Variants in CACNA1E observed in about 807,000 individuals in gnomAD.
CACNA1E encodes the protein calcium voltage-gated channel subunit alpha1 E.
Under a neutral mutation model 259.2 loss-of-function variants are expected in CACNA1E, and 40 were observed. The observed-to-expected ratio is 0.15, with a 90% CI of 0.12 to 0.20. The LOEUF (loss-of-function observed/expected upper bound fraction) is 0.20, where lower values mean the gene tolerates loss of function less well. Among genes scored for constraint, CACNA1E ranks in the 10% least tolerant of loss-of-function variants. The probability of loss-of-function intolerance (pLI) is 1.00; values close to 1 mark genes in which losing one functional copy is unlikely to be tolerated. For synonymous variants in CACNA1E, 1,104 were observed against 1,138.5 expected, an observed-to-expected ratio of 0.97 and a Z score of 0.61; for missense variants, 1,874 against 3,040.1, an observed-to-expected ratio of 0.62 and a Z score of 9.02.
At chr1:181,427,961 A>G (rs1300642753) in intron 2 of CACNA1E, among the ~76,000 whole-genome samples, 1 of 152,174 alleles carries the variant, frequency 6.6e-6, no homozygotes, top group Non-Finnish European at 1.5e-5. Context: ...GCTGCAGAGT[A>G]TTCCTCAGCA....
intron 5 of CACNA1E, 38 bp downstream of exon 5, chr1:181,579,262 TC>T (rs751937009): frequency 6.4e-7 from 1 of 1,562,836 alleles, no homozygotes; most frequent in South Asian, 1.2e-5. Flanking sequence ...TTTTCCCTTC[TC>T]CCCTCTGTTA....
chr1:181,411,212 G>A (rs12410672), intron 1 of CACNA1E, among the ~76,000 whole-genome samples: 16,184 of 152,232 alleles, frequency 0.11, 945 homozygotes, highest in South Asian at 0.18. Context: ...TAGACCTGCT[G>A]TGGGGACTAG....
chr1:181,694,189 A>G (rs1224912958), intron 7 of CACNA1E, among the ~76,000 whole-genome samples: 1 of 152,202 alleles, frequency 6.6e-6, no homozygotes, highest in Non-Finnish European at 1.5e-5. Context: ...CGTGAATGCA[A>G]TGTTGATTTA....
intron 7 of CACNA1E, among the ~76,000 whole-genome samples, chr1:181,696,652 T>A (rs758619465): frequency 2.6e-5 from 4 of 152,186 alleles, no homozygotes; most frequent in Non-Finnish European, 5.9e-5. Context: ...CAGGTGTATG[T>A]ATGCACATGT....
chr1:181,684,901 G>A (rs1553320704), intron 7 of CACNA1E, among the ~76,000 whole-genome samples: 1 of 128,108 alleles, frequency 7.8e-6, no homozygotes, highest in South Asian at 2.4e-4. Flanking sequence ...TGCCTTGTTA[G>A]TGACATGCTA....
intron 7 of CACNA1E, among the ~76,000 whole-genome samples, chr1:181,653,864 G>A (rs1441373836): frequency 6.6e-6 from 1 of 152,152 alleles, no homozygotes; most frequent in Non-Finnish European, 1.5e-5. Flanking sequence ...ATCTTTTGGG[G>A]GGCTCCCAGT....
intron 3 of CACNA1E, among the ~76,000 whole-genome samples, chr1:181,573,792 A>C (rs1358016389): frequency 6.6e-6 from 1 of 152,244 alleles, no homozygotes. Context: ...ACCCAAAGGA[A>C]TATAAATCAT....
intron 2 of CACNA1E, among the ~76,000 whole-genome samples, chr1:181,477,181 T>C (rs559537379): frequency 2.2e-5 from 3 of 137,328 alleles, no homozygotes; most frequent in Non-Finnish European, 3.1e-5. Flanking sequence ...ATCCTAAACA[T>C]TCATGCTGCA....
intron 46 of CACNA1E, among the ~76,000 whole-genome samples, chr1:181,796,303 A>G (rs1164557455): frequency 6.6e-6 from 1 of 152,182 alleles, no homozygotes; most frequent in Non-Finnish European, 1.5e-5. Context: ...GGTAGATTCA[A>G]TAACATGTAT....
chr1:181,570,725 C>T (rs961979796), intron 3 of CACNA1E, among the ~76,000 whole-genome samples: 2 of 152,158 alleles, frequency 1.3e-5, no homozygotes, highest in African/African-American at 4.8e-5. Flanking sequence ...CTTACATTGC[C>T]TTCTCTCTCT....
intron 1 of CACNA1E, among the ~76,000 whole-genome samples, chr1:181,410,691 T>C (rs1657783632): frequency 6.6e-6 from 1 of 152,158 alleles, no homozygotes; most frequent in Non-Finnish European, 1.5e-5. Context: ...ATCAATATAG[T>C]GGAGAAAACC....
At chr1:181,494,040 A>G (rs557020970) in intron 1 of CACNA1E, among the ~76,000 whole-genome samples, 1 of 152,338 alleles carries the variant, frequency 6.6e-6, no homozygotes, top group South Asian at 2.1e-4. Context: ...TTTTCCACCT[A>G]GAATGAGTCT....
chr1:181,319,643 G>A (rs1363204719), intron 1 of CACNA1E, among the ~76,000 whole-genome samples: 6 of 152,194 alleles, frequency 3.9e-5, no homozygotes, highest in Admixed American at 2.6e-4. Context: ...TTGACTGATT[G>A]TCCAAGCTGG....
intron 6 of CACNA1E, among the ~76,000 whole-genome samples, chr1:181,598,929 CA>C (rs1174551034): frequency 6.7e-6 from 1 of 149,928 alleles, no homozygotes; most frequent in Non-Finnish European, 1.5e-5. Flanking sequence ...CTGTTTCTGC[CA>C]TTTTTTTTTT....
At chr1:181,700,722 T>C (rs930829554) in intron 7 of CACNA1E, among the ~76,000 whole-genome samples, 15 of 152,202 alleles carry the variant, frequency 9.9e-5, no homozygotes, top group Non-Finnish European at 5.9e-5. Context: ...TGTGAATTAA[T>C]GACTGTGTGA....
chr1:181,497,970 T>TC (rs111502783), intron 1 of CACNA1E, among the ~76,000 whole-genome samples: 2,026 of 152,088 alleles, frequency 0.013, 43 homozygotes, highest in African/African-American at 0.043. Flanking sequence ...ATTTTGTCTT[T>TC]CCCCCGCCAA....
chr1:181,692,343 A>G (rs1479687033), intron 7 of CACNA1E, among the ~76,000 whole-genome samples: 1 of 152,248 alleles, frequency 6.6e-6, no homozygotes, highest in Non-Finnish European at 1.5e-5. Context: ...CCAAATAGCC[A>G]AAGCAATCCT....
chr1:181,589,406 T>A (rs1392237180), intron 6 of CACNA1E, among the ~76,000 whole-genome samples: 2 of 152,192 alleles, frequency 1.3e-5, no homozygotes, highest in African/African-American at 2.4e-5. Context: ...AGGAAGTAGT[T>A]AATTTATGGA....
intron 1 of CACNA1E, among the ~76,000 whole-genome samples, chr1:181,325,799 C>T (rs1650734007): frequency 6.6e-6 from 1 of 152,178 alleles, no homozygotes; most frequent in Non-Finnish European, 1.5e-5. Flanking sequence ...CACATCCCAG[C>T]ATCTTCTGCA....
Sources: gnomAD v4.1 joint callset for allele counts (sites outside exome capture counted in the v4.1 genomes callset) on GRCh38, gnomAD v4.1.1 for gene constraint, MANE v1.5 for transcripts, NCBI Gene and HGNC (gene_info 2026-07-23, HGNC 2026-07-21) for gene names.